The following SF3A1 variants were observed in gnomAD, a reference collection of about 807,000 sequenced individuals.
SF3A1 encodes SAP 114.
Under a neutral mutation model 89.9 loss-of-function variants are expected in SF3A1, and 13 were observed. The observed-to-expected ratio is 0.14, with a 90% CI of 0.09 to 0.23. The LOEUF is 0.23. SF3A1 is among the 10% of genes least tolerant of loss of function. The pLI, the probability that SF3A1 is intolerant of heterozygous loss-of-function variation, is 1.00. For missense variants in SF3A1, 604 were observed against 1,022.1 expected (o/e 0.59, Z 5.58); for synonymous variants, 405 against 374.4 (o/e 1.08, Z -0.94).
rs372715582 is a variant in SF3A1, at chr22:30,337,112, G to A, written c.2020C>T (p.Pro674Ser). 2 of 1,614,100 alleles carry A rather than the reference G, an allele frequency of 1.2e-6. No homozygotes were observed. Among genetic ancestry groups the A allele is most frequent in the Non-Finnish European group, 1.7e-6 (2 of 1,179,962 alleles). ...GAGGTGGGCTCATCTTCCATGGGAG[G>A]TGGGGGATGCACAGGGGGCATTGGG... is the stretch of plus-strand genomic sequence containing the variant. Reference protein sequence around the residue: ...PAPMPPVHPPPPMEDEPTSKK... With the variant: ...PAPMPPVHPPSPMEDEPTSKK... Residue 674 changes from proline to serine, a missense_variant, in exon 13 of 16, where the codon CCT (proline) becomes TCT (serine). Around this residue, in one of 9 missense-constraint regions of SF3A1, gnomAD observed 45 missense variants for 41.1 expected, o/e 1.09. Transcript: ENST00000215793.
In SF3A1 at chr22:30,349,617, T is replaced by C. The variant is rs192796421; in HGVS notation, c.186-3098A>G. 4.5e-3 allele frequency among the ~76,000 whole-genome samples: 677 copies of C among 151,896 alleles called. 22 individuals are homozygous for C. Among genetic ancestry groups the C allele is most frequent in the Admixed American group, 0.036 (550 of 15,256 alleles). ...GAAATGCCTACAAAAGCAATCACCA[T>C]AGCTAAAAATCAATCTAGGGATGTG... On this transcript the variant is annotated intron_variant, in intron 2 of 15. Coordinates refer to ENST00000215793, the MANE Select transcript of SF3A1 (RefSeq NM_005877.6).
chr22:30,350,998 TAGTG>T (rs1293565355), intron 2 of SF3A1, among the ~76,000 whole-genome samples: 2 of 152,190 alleles, frequency 1.3e-5, no homozygotes, highest in African/African-American at 4.8e-5. Context: ...AGAGCTGACA[TAGTG>T]AAAGTCTAAC....
chr22:30,341,611 G>C (rs1272312836), intron 7 of SF3A1, 81 bp downstream of exon 7: 2 of 1,031,436 alleles, frequency 1.9e-6, no homozygotes, highest in Non-Finnish European at 2.8e-6. Context: ...CAGGGGAGCT[G>C]GATCTGACTG....
intron 1 of SF3A1, among the ~76,000 whole-genome samples, chr22:30,356,319 G>A (rs930179470): frequency 6.6e-6 from 1 of 152,236 alleles, no homozygotes; most frequent in Non-Finnish European, 1.5e-5. Flanking sequence ...AAGATGTACC[G>A]TGCAGGCTGG....
Position 30,340,758 on chromosome 22 carries a change from T to C in SF3A1, c.1126A>G (p.Met376Val). ...GGAGTTGGGGGCAGAGGTGGAGGCA[T>C]GGGTGTCTCTGGGGGTGGGGGCACT... Reference protein sequence around the residue: ...QKVPPPPETPMPPPLPPTPDQ... With the variant: ...QKVPPPPETPVPPPLPPTPDQ... Residue 376 changes from methionine to valine, a missense_variant, in exon 8 of 16, where the codon ATG becomes GTG. Met to Val is a conservative substitution (Grantham distance 21). This residue lies in a region of SF3A1 where 146 missense variants were observed against 228.5 expected (regional missense o/e 0.64). Coordinates refer to ENST00000215793, the MANE Select transcript of SF3A1 (RefSeq NM_005877.6). The C allele has an allele frequency of 6.2e-7, 1 of 1,601,548 alleles. No individual in the cohort carries two copies. The highest frequency in any genetic ancestry group is 8.5e-7 in the Non-Finnish European group (1 of 1,174,846).
rs1326707650 is a variant in SF3A1, at chr22:30,353,046, C to T, written c.90G>A (p.Lys30=). 1 of 1,614,114 alleles carries T rather than the reference C, an allele frequency of 6.2e-7. No individual in the cohort carries two copies. Among genetic ancestry groups the T allele is most frequent in the Non-Finnish European group, 8.5e-7 (1 of 1,179,988 alleles). Residue 30 remains lysine, a synonymous_variant, in exon 2 of 16, where the codon AAG becomes AAA. Transcript: ENST00000215793. ...KQPTEEEASS[K]EDSAPSKPVV... is the part of the protein sequence containing the mutation. Reference sequence around the variant, plus strand: ...CTGGCTTAGAAGGTGCAGAATCCTCCTTTGAAGATGCTTCTTCTTCTGTGG... The same window carrying T: ...CTGGCTTAGAAGGTGCAGAATCCTCTTTTGAAGATGCTTCTTCTTCTGTGG...
At chr22:30,336,393 T>C (rs1037235663) in intron 13 of SF3A1, among the ~76,000 whole-genome samples, 1 of 152,072 alleles carries the variant, frequency 6.6e-6, no homozygotes, top group South Asian at 2.1e-4. Flanking sequence ...GGGTGTGTGG[T>C]GCACACCTGT....
intron 3 of SF3A1, 165 bp downstream of exon 3, chr22:30,346,147 C>G (rs762968028): frequency 1.2e-4 from 77 of 616,950 alleles, no homozygotes; most frequent in East Asian, 1.4e-4. Flanking sequence ...CAACTAACAT[C>G]AGTACTTTGC....
In SF3A1 at chr22:30,345,111, G is replaced by C; in HGVS notation, c.473C>G (p.Ser158Cys). The change falls in exon 4 of 16, where the codon TCT (serine) becomes TGT (cysteine). Residue 158 changes from serine (S) to cysteine (C), a missense_variant. Physicochemically the swap from Ser to Cys is moderately radical, Grantham distance 112 (BLOSUM62 -1). Around this residue, in one of 9 missense-constraint regions of SF3A1, gnomAD observed 162 missense variants for 229.2 expected, o/e 0.71. Coordinates refer to ENST00000215793, the MANE Select transcript of SF3A1 (RefSeq NM_005877.6). ...PEFEFIADPP[S>C]ISAFDLDVVK... The stretch of plus-strand genomic sequence containing the variant: ...CACATCCAAGTCGAAGGCTGAGATA[G>C]AGGGAGGATCAGCAATGAACTCAAA... 6.2e-7 allele frequency: 1 copy of C among 1,614,246 alleles called. No homozygotes were observed. The highest frequency in any genetic ancestry group is 1.1e-5 in the South Asian group (1 of 91,084).
At chr22:30,352,054 C>T (rs186935942) in intron 2 of SF3A1, among the ~76,000 whole-genome samples, 55 of 151,914 alleles carry the variant, frequency 3.6e-4, no homozygotes, top group Non-Finnish European at 7.1e-4. Context: ...CTAGCACCTG[C>T]GTGGAACTGT....
intron 6 of SF3A1, 27 bp downstream of exon 6, chr22:30,342,173 A>T (rs1371465776): frequency 6.2e-7 from 1 of 1,613,588 alleles, no homozygotes; most frequent in Non-Finnish European, 8.5e-7. Flanking sequence ...CTGGCTCCCC[A>T]TCTGGAGTCA....
intron 11 of SF3A1, 61 bp downstream of exon 11, chr22:30,338,728 A>C (rs1326835888): frequency 2.4e-5 from 39 of 1,607,634 alleles, no homozygotes; most frequent in Non-Finnish European, 3.1e-5. Flanking sequence ...CTCAGCCAAC[A>C]GTGTCCGACC....
At chr22:30,351,620 C>A (rs1931597320) in intron 2 of SF3A1, among the ~76,000 whole-genome samples, 1 of 152,172 alleles carries the variant, frequency 6.6e-6, no homozygotes, top group South Asian at 2.1e-4. Flanking sequence ...CTTGCCTCAG[C>A]CTCCTAAGTA....
At chr22:30,342,729 G>A (rs552734780) in intron 5 of SF3A1, 76 bp downstream of exon 5, 2 of 961,344 alleles carry the variant, frequency 2.1e-6, no homozygotes, top group East Asian at 2.4e-5. Flanking sequence ...ACAAGGTCCT[G>A]CCTCAGAGAC....
At chr22:30,339,827 G>GT (rs1255251269) in intron 9 of SF3A1, among the ~76,000 whole-genome samples, 6 of 152,230 alleles carry the variant, frequency 3.9e-5, no homozygotes, top group African/African-American at 7.2e-5. Context: ...GCCACATGGT[G>GT]TAAGTGGCAG....
chr22:30,334,704 C>G lies in SF3A1; in HGVS notation c.2281-9G>C. ...TCTTTGATGAAGATACCCTGGAAAA[C>G]AGACAGCGTGCCTTAGCATGGGGCA... On this transcript the variant is annotated splice_polypyrimidine_tract_variant and intron_variant, in intron 15 of 15. Transcript: ENST00000215793. 6.3e-7 allele frequency: 1 copy of G among 1,593,320 alleles called. No individual in the cohort carries two copies. The highest frequency in any genetic ancestry group is 2.3e-5 in the East Asian group (1 of 43,708).
At position 30,343,814 on chromosome 22, in the gene SF3A1, C is replaced by A. The variant is rs148697242; in HGVS notation, c.652-935G>T. Among the ~76,000 whole-genome samples the A allele has an allele frequency of 7.9e-4, 121 of 152,326 alleles. 1 individual carries two copies. The highest frequency in any genetic ancestry group is 2.7e-3 in the African/African-American group (114 of 41,572). ...AATGACTGTTATTTTAGCTACCATA[C>A]TAGCTTCTGGATTTGGTCATTTTCT... On this transcript the variant is annotated intron_variant, in intron 4 of 15. Coordinates refer to ENST00000215793, the MANE Select transcript of SF3A1 (RefSeq NM_005877.6).
At chr22:30,353,120 G>C in intron 1 of SF3A1, 48 bp from the exon 2 acceptor site, 1 of 1,604,276 alleles carries the variant, frequency 6.2e-7, no homozygotes, top group Non-Finnish European at 8.5e-7. Flanking sequence ...CTGGTTCAGA[G>C]CAGGTTCTCC....
rs1025050828 is a variant in SF3A1, at chr22:30,340,829, T to C, written c.1072-17A>G. The C allele has an allele frequency of 1.4e-6, 2 of 1,444,536 alleles. No homozygotes were observed. Among genetic ancestry groups the C allele is most frequent in the Non-Finnish European group, 1.9e-6 (2 of 1,037,886 alleles). The allele number at this position is 1,444,536 out of a possible 1,614,324, so 89.5% of individuals were successfully genotyped here. A position where few individuals can be genotyped will look rare whatever the true frequency, so the allele number is the denominator to read the frequency against. On this transcript the variant is annotated splice_polypyrimidine_tract_variant and intron_variant, in intron 7 of 15. Transcript: ENST00000215793. Reference sequence around the variant, plus strand: ...ATCTGAACCCTGAAAAGCAAAGCAATGGCAGGACTCAGAGAGGGGCTGAGG... The same window carrying C: ...ATCTGAACCCTGAAAAGCAAAGCAACGGCAGGACTCAGAGAGGGGCTGAGG...
Sources: gnomAD v4.1 joint callset for allele counts (sites outside exome capture counted in the v4.1 genomes callset) on GRCh38, gnomAD v4.1.1 for gene constraint, gnomAD v4.1.1 regional missense constraint, MANE v1.5 for transcripts, NCBI Gene and HGNC (gene_info 2026-07-23, HGNC 2026-07-21) for gene names.